Variants in BTAF1 observed in about 807,000 individuals in gnomAD.
The protein encoded by BTAF1 is B-TFIID TATA-box binding protein associated factor 1.
In BTAF1, 38 loss-of-function variants were observed where a neutral mutation model predicts 227.1. The ratio of observed to expected loss-of-function variants is 0.17; its 90% CI spans 0.13 to 0.22. BTAF1 has a LOEUF of 0.22. Among genes scored for constraint, BTAF1 ranks in the 10% least tolerant of loss-of-function variants. The probability of loss-of-function intolerance (pLI) is 1.00; values close to 1 mark genes in which losing one functional copy is unlikely to be tolerated. For missense variants in BTAF1, 1,598 were observed against 2,204.0 expected, an observed-to-expected ratio of 0.73 and a Z score of 5.51; for synonymous variants, 742 against 751.9, an observed-to-expected ratio of 0.99 and a Z score of 0.21.
At chr10:91,942,145 A>G (rs1045773486) in intron 3 of BTAF1, among the ~76,000 whole-genome samples, 11 of 152,110 alleles carry the variant, frequency 7.2e-5, no homozygotes, top group Non-Finnish European at 5.9e-5. Context: ...TTAGCTAGGC[A>G]TGGTTGTGTG....
At chr10:91,973,488 G>T (rs1847455174) in intron 14 of BTAF1, among the ~76,000 whole-genome samples, 1 of 152,080 alleles carries the variant, frequency 6.6e-6, no homozygotes, top group Non-Finnish European at 1.5e-5. Context: ...ATATTTAATT[G>T]TGATAATAAT....
intron 14 of BTAF1, among the ~76,000 whole-genome samples, chr10:91,968,718 G>A (rs1847093055): frequency 1.3e-5 from 2 of 151,912 alleles, no homozygotes; most frequent in South Asian, 4.2e-4. Flanking sequence ...CAGTGTTTTG[G>A]GTTTTAGCCA....
In BTAF1 at chr10:91,959,262, A is replaced by G. The variant is rs1846317085; in HGVS notation, c.990+108A>G. The G allele has an allele frequency of 3.2e-6, 5 of 1,550,458 alleles. No homozygotes were observed. The Admixed American group carries it at 1.0e-4, about 31-fold the overall frequency. On this transcript the variant is annotated intron_variant, in intron 9 of 37. Transcript: ENST00000265990. Reference sequence around the variant, plus strand: ...CGTGAAGTAGGAATGAGAGGTAAATAAGAGGAAGAGATATGAAAAGGTAAA... The same window carrying G: ...CGTGAAGTAGGAATGAGAGGTAAATGAGAGGAAGAGATATGAAAAGGTAAA...
Position 91,953,861 on chromosome 10 carries a change from C to G in BTAF1, c.689C>G (p.Thr230Ser). 1 of 1,613,924 alleles carries G rather than the reference C, an allele frequency of 6.2e-7. No homozygotes were observed. Among genetic ancestry groups the G allele is most frequent in the African/African-American group, 1.3e-5 (1 of 75,038 alleles). ...AKQRSRDAVETNEKSNDSTDG... is the reference protein window; with the variant it reads ...AKQRSRDAVESNEKSNDSTDG... ...CAGAGATCCAGGGATGCAGTGGAAA[C>G]TAATGAGAAGAGGTAGTAATCTTTT... Residue 230 changes from threonine (T) to serine (S), a missense_variant, in exon 6 of 38, where the codon ACT (threonine) becomes AGT (serine). Coordinates refer to ENST00000265990, the MANE Select transcript of BTAF1 (RefSeq NM_003972.3).
chr10:91,979,351 T>G (rs1047277407), intron 14 of BTAF1, among the ~76,000 whole-genome samples: 4 of 152,182 alleles, frequency 2.6e-5, no homozygotes, highest in Non-Finnish European at 5.9e-5. Flanking sequence ...AAGAAATTGC[T>G]AGGTCAAATG....
chr10:92,025,251 C>G (rs1851417678), intron 35 of BTAF1, among the ~76,000 whole-genome samples: 1 of 152,092 alleles, frequency 6.6e-6, no homozygotes, highest in Admixed American at 6.5e-5. Flanking sequence ...TACTTTCCCC[C>G]TTACCTTTTT....
At chr10:91,926,532 A>C (rs1018344066) in intron 1 of BTAF1, among the ~76,000 whole-genome samples, 1 of 152,146 alleles carries the variant, frequency 6.6e-6, no homozygotes. Flanking sequence ...TTTCTATACC[A>C]GTTACCACAA....
chr10:92,009,317 C>A, intron 28 of BTAF1, 109 bp downstream of exon 28: 1 of 1,155,488 alleles, frequency 8.7e-7, no homozygotes, highest in Non-Finnish European at 1.2e-6. Flanking sequence ...GGTTGTATGA[C>A]ATAGAAACTT....
At chr10:92,018,050 G>A (rs764125694) in intron 33 of BTAF1, among the ~76,000 whole-genome samples, 1 of 152,076 alleles carries the variant, frequency 6.6e-6, no homozygotes, top group Non-Finnish European at 1.5e-5. Flanking sequence ...AGAATAATGT[G>A]TAGAAGGGAG....
intron 14 of BTAF1, among the ~76,000 whole-genome samples, chr10:91,976,743 T>C (rs1227520165): frequency 6.6e-6 from 1 of 152,218 alleles, no homozygotes; most frequent in Non-Finnish European, 1.5e-5. Context: ...CGATACGAAT[T>C]TGGATTATTT....
At chr10:92,028,563 A>C (rs1016455889) in intron 37 of BTAF1, among the ~76,000 whole-genome samples, 1 of 152,112 alleles carries the variant, frequency 6.6e-6, no homozygotes, top group African/African-American at 2.4e-5. Flanking sequence ...TGATAAAGCA[A>C]ATAAGTTCTT....
intron 4 of BTAF1, among the ~76,000 whole-genome samples, chr10:91,945,480 T>G (rs1175405051): frequency 6.6e-6 from 1 of 152,116 alleles, no homozygotes; most frequent in African/African-American, 2.4e-5. Context: ...GCAACCACCA[T>G]TCTTTCTGTC....
At position 91,980,439 on chromosome 10, in the gene BTAF1, T is replaced by G; in HGVS notation, c.1651-15T>G. 1 of 1,569,180 alleles carries G rather than the reference T, an allele frequency of 6.4e-7. No homozygotes were observed. The highest frequency in any genetic ancestry group is 8.8e-7 in the Non-Finnish European group (1 of 1,140,714). ...AATTATATGCTACAGCTTTTAATTC[T>G]GTTTTTGTTTTCAGAACTCTTCATC... On this transcript the variant is annotated splice_polypyrimidine_tract_variant and intron_variant, in intron 14 of 37. Coordinates refer to ENST00000265990, the MANE Select transcript of BTAF1 (RefSeq NM_003972.3).
intron 37 of BTAF1, 74 bp from the exon 38 acceptor site, chr10:92,028,716 A>AT: frequency 2.8e-6 from 4 of 1,413,102 alleles, no homozygotes; most frequent in Non-Finnish European, 3.8e-6. Context: ...AACAAGTGTG[A>AT]TTTTAAAGGA....
At chr10:91,964,261 T>G in intron 13 of BTAF1, 60 bp downstream of exon 13, 1 of 1,542,528 alleles carries the variant, frequency 6.5e-7, no homozygotes, top group East Asian at 2.3e-5. Context: ...TCGAGATAAT[T>G]CAGCCTAAAC....
At position 91,964,181 on chromosome 10, in the gene BTAF1, C is replaced by A; in HGVS notation, c.1509C>A (p.Tyr503Ter). 1 of 1,612,698 alleles carries A rather than the reference C, an allele frequency of 6.2e-7. No individual in the cohort carries two copies. The highest frequency in any genetic ancestry group is 8.5e-7 in the Non-Finnish European group (1 of 1,179,474). ...CTCTCCTTTCATCCTTGTTAACTTA[C>A]CCTCAGGTCCAACAATGCAGGTAAT... ...IMTLLSSLLT[Y>*]PQVQQCSIQQ... Residue 503 changes from tyrosine to a stop codon, truncating the protein, a stop_gained, in exon 13 of 38, where the codon TAC (tyrosine) becomes TAA (stop). Transcript: ENST00000265990. LOFTEE classifies it high-confidence loss of function.
chr10:91,946,867 TCTCA>T (rs972674353), intron 4 of BTAF1, among the ~76,000 whole-genome samples: 1 of 151,016 alleles, frequency 6.6e-6, no homozygotes, highest in Non-Finnish European at 1.5e-5. Context: ...TGAGACAGAG[TCTCA>T]CTCCATTACC....
chr10:92,004,833 G>A (rs930855172), intron 25 of BTAF1, among the ~76,000 whole-genome samples: 1 of 152,236 alleles, frequency 6.6e-6, no homozygotes, highest in South Asian at 2.1e-4. Context: ...CCAGACCAGT[G>A]TCAAAAAGGC....
At chr10:92,019,266 C>A (rs1850951918) in intron 34 of BTAF1, among the ~76,000 whole-genome samples, 1 of 152,176 alleles carries the variant, frequency 6.6e-6, no homozygotes, top group African/African-American at 2.4e-5. Flanking sequence ...GTTCTAGCCC[C>A]TGGTAATCTC....
Sources: allele counts gnomAD v4.1 joint callset (sites outside exome capture counted in the v4.1 genomes callset), GRCh38; gene constraint gnomAD v4.1.1; transcripts MANE v1.5; gene names NCBI Gene and HGNC (gene_info 2026-07-23, HGNC 2026-07-21).